IMPACT: variants seen among roughly 807,000 people sequenced by gnomAD.
The protein encoded by IMPACT is protein IMPACT.
IMPACT carries 35 observed loss-of-function variants against 47.5 expected under a neutral mutation model. The ratio of observed to expected loss-of-function variants is 0.74; its 90% CI spans 0.56 to 0.98. IMPACT has a LOEUF of 0.98. Among genes scored for constraint, IMPACT ranks in the 50% least tolerant of loss-of-function variants. The pLI is 0.00. For missense variants in IMPACT, 373 were observed against 394.8 expected (o/e 0.94, Z 0.47); for synonymous variants, 118 against 125.6 (o/e 0.94, Z 0.40).
intron 6 of IMPACT, 118 bp from the exon 7 acceptor site, chr18:24,442,931 T>C: frequency 1.9e-6 from 1 of 528,076 alleles, no homozygotes; most frequent in Non-Finnish European, 3.3e-6. Context: ...GATTAATGGT[T>C]ATTTTAGTTG....
At chr18:24,437,910 G>T in intron 4 of IMPACT, 45 bp from the exon 5 acceptor site, 1 of 902,498 alleles carries the variant, frequency 1.1e-6, no homozygotes, top group Non-Finnish European at 1.8e-6. Context: ...TTGAGAAGAT[G>T]ATTTTTGAAA....
Position 24,450,993 on chromosome 18 carries a change from G to GT in IMPACT, c.*148dup. On this transcript the variant is annotated 3_prime_UTR_variant, in exon 11 of 11. Transcript: ENST00000284202. Reference sequence around the variant, plus strand: ...ATACCAACATTAGCTTTTCTTCTTGGTTATATCATCTGCCAAAAATAGAGA... The same window carrying GT: ...ATACCAACATTAGCTTTTCTTCTTGGTTTATATCATCTGCCAAAAATAGAGA... 1 of 512,834 alleles carries GT rather than the reference G, an allele frequency of 1.9e-6. No individual in the cohort carries two copies. The highest frequency in any genetic ancestry group is 3.5e-6 in the Non-Finnish European group (1 of 284,816). The allele number at this position is 512,834 out of a possible 1,614,324, so 31.8% of individuals were successfully genotyped here.
rs752510391 is a variant in IMPACT, at chr18:24,443,074, G to A, written c.516G>A (p.Pro172=). The change falls in exon 7 of 11, where the codon CCG becomes CCA. Residue 172 remains proline, a synonymous_variant. Coordinates refer to ENST00000284202, the MANE Select transcript of IMPACT (RefSeq NM_018439.4). ...RTEVEVEELP[P]IDHGIPITDR... ...AAGTAGAAGTAGAAGAATTACCTCC[G>A]ATTGATCATGGCATTCCTATTACAG... is the stretch of plus-strand genomic sequence containing the variant. 6 of 1,594,948 alleles carry A rather than the reference G, an allele frequency of 3.8e-6. No homozygotes were observed. Among genetic ancestry groups the A allele is most frequent in the East Asian group, 2.3e-5 (1 of 44,326 alleles).
chr18:24,433,356 C>T (rs9807670), intron 4 of IMPACT, among the ~76,000 whole-genome samples: 8,785 of 148,622 alleles, frequency 0.059, 799 homozygotes, highest in African/African-American at 0.21. Flanking sequence ...CCCGCCACCG[C>T]GCCCGGCTAA....
intron 4 of IMPACT, among the ~76,000 whole-genome samples, chr18:24,433,446 G>A (rs1481824227): frequency 6.7e-6 from 1 of 149,394 alleles, no homozygotes; most frequent in East Asian, 2.0e-4. Context: ...TGATCCACCC[G>A]CCTCGGCCTC....
At chr18:24,428,834 A>C (rs1170792280) in intron 2 of IMPACT, 35 bp from the exon 3 acceptor site, 1 of 1,547,502 alleles carries the variant, frequency 6.5e-7, no homozygotes, top group South Asian at 1.2e-5. Flanking sequence ...AACCTTGATG[A>C]AGTGTAAACA....
intron 4 of IMPACT, among the ~76,000 whole-genome samples, chr18:24,433,157 A>G: frequency 6.7e-6 from 1 of 149,890 alleles, no homozygotes; most frequent in East Asian, 1.9e-4. Context: ...TGTAGTCTAA[A>G]TAGAAATACA....
chr18:24,429,451 A>G (rs1908696071), intron 3 of IMPACT: 1 of 152,422 alleles, frequency 6.6e-6, no homozygotes, highest in South Asian at 2.1e-4. Flanking sequence ...TCACCTAGTA[A>G]TATGTATAAA....
At chr18:24,437,294 T>A (rs533750510) in intron 4 of IMPACT, among the ~76,000 whole-genome samples, 26 of 152,296 alleles carry the variant, frequency 1.7e-4, no homozygotes, top group African/African-American at 6.0e-4. Context: ...AACATAACTA[T>A]GGACATGACT....
chr18:24,439,358 C>T (rs1220675597), intron 5 of IMPACT, among the ~76,000 whole-genome samples: 3 of 152,112 alleles, frequency 2.0e-5, no homozygotes, highest in Admixed American at 6.5e-5. Flanking sequence ...TGGTGAAACC[C>T]CGTCTCTACT....
At chr18:24,445,592 T>G in intron 8 of IMPACT, 126 bp downstream of exon 8, 1 of 499,878 alleles carries the variant, frequency 2.0e-6, no homozygotes, top group South Asian at 5.2e-5. Context: ...CATGGAATAT[T>G]TGGAAACTGC....
chr18:24,426,929 C>T (rs1003258118), intron 1 of IMPACT, 137 bp downstream of exon 1: 2 of 578,316 alleles, frequency 3.5e-6, no homozygotes, highest in Non-Finnish European at 5.1e-6. Context: ...TTTGCTCCAC[C>T]GCGTTCCATT....
Position 24,426,800 on chromosome 18 carries a change from C to T in IMPACT, c.36+8C>T. 2 of 1,238,764 alleles carry T rather than the reference C, an allele frequency of 1.6e-6. No individual in the cohort carries two copies. Among genetic ancestry groups the T allele is most frequent in the East Asian group, 6.3e-5 (2 of 31,692 alleles). 76.7% of individuals were successfully genotyped at this position (1,238,764 alleles called of 1,614,324 possible). A position where few individuals can be genotyped will look rare whatever the true frequency, so the allele number is the denominator to read the frequency against. On this transcript the variant is annotated splice_region_variant and intron_variant, in intron 1 of 10. Coordinates refer to ENST00000284202, the MANE Select transcript of IMPACT (RefSeq NM_018439.4). ...GGGAGCGACCAGAGGCAGGTGAGGC[C>T]CCGGCGGGGTGCTGTCTCTCCAGGC...
intron 7 of IMPACT, 71 bp from the exon 8 acceptor site, chr18:24,445,322 G>C (rs982717361): frequency 5.6e-5 from 51 of 904,770 alleles, no homozygotes; most frequent in Non-Finnish European, 8.6e-5. Flanking sequence ...ATGCTTCAAG[G>C]TATTTTTCTA....
At position 24,428,036 on chromosome 18, in the gene IMPACT, C is replaced by CT. The variant is rs1439458616; in HGVS notation, c.157dup (p.Cys53LeufsTer9). On this transcript the variant is annotated frameshift_variant, in exon 2 of 11. Coordinates refer to ENST00000284202, the MANE Select transcript of IMPACT (RefSeq NM_018439.4). LOFTEE classifies it high-confidence loss of function. ...CGATATAGATGACCCCAAATGGACA[C>CT]TTTGCTTGCAGGTACTTTTTCCCCC... 7.0e-6 allele frequency: 11 copies of CT among 1,573,742 alleles called. No individual in the cohort carries two copies. Among genetic ancestry groups the CT allele is most frequent in the Middle Eastern group, 1.7e-4 (1 of 5,952 alleles).
intron 3 of IMPACT, 29 bp from the exon 4 acceptor site, chr18:24,430,293 A>G: frequency 1.3e-6 from 2 of 1,494,538 alleles, no homozygotes; most frequent in Non-Finnish European, 1.8e-6. Flanking sequence ...TCCTTGAATA[A>G]TCTTCTTAAT....
At chr18:24,449,719 A>G (rs762840764) in intron 9 of IMPACT, 100 bp from the exon 10 acceptor site, 8 of 1,076,710 alleles carry the variant, frequency 7.4e-6, no homozygotes, top group Non-Finnish European at 9.6e-6. Context: ...GGGAAATTTT[A>G]TGTGCAATTT....
rs1295817649 is a variant in IMPACT, at chr18:24,426,797, GGCCCCGGC to G, written c.36+7_36+14del. On this transcript the variant is annotated splice_donor_region_variant and intron_variant, in intron 1 of 10. Transcript: ENST00000284202. ...GCAGGGAGCGACCAGAGGCAGGTGA[GGCCCCGGC>G]GGGGTGCTGTCTCTCCAGGCTCGGC... 9.7e-6 allele frequency: 12 copies of G among 1,239,076 alleles called. No homozygotes were observed. The highest frequency in any genetic ancestry group is 1.2e-5 in the Non-Finnish European group (12 of 988,408). The allele number at this position is 1,239,076 out of a possible 1,614,324, so 76.8% of individuals were successfully genotyped here. A position where few individuals can be genotyped will look rare whatever the true frequency, so the allele number is the denominator to read the frequency against.
rs964781639 is a variant in IMPACT at position 24,438,109 on chromosome 18, G to A, written c.367+69G>A. 1.5e-5 allele frequency: 11 copies of A among 711,764 alleles called. No individual in the cohort carries two copies. The African/African-American group carries it at 1.8e-4, about 12-fold the overall frequency. The allele number at this position is 711,764 out of a possible 1,614,324, so 44.1% of individuals were successfully genotyped here. A position where few individuals can be genotyped will look rare whatever the true frequency, so the allele number is the denominator to read the frequency against. On this transcript the variant is annotated intron_variant, in intron 5 of 10. Coordinates refer to ENST00000284202, the MANE Select transcript of IMPACT (RefSeq NM_018439.4). The stretch of plus-strand genomic sequence containing the variant: ...ACTACATTTTTATGTAGATACTCTA[G>A]TTGAAATTTAATGTGAAAATCTGTA...
Sources: allele counts gnomAD v4.1 joint callset (sites outside exome capture counted in the v4.1 genomes callset), GRCh38; gene constraint gnomAD v4.1.1; transcripts MANE v1.5; gene names NCBI Gene and HGNC (gene_info 2026-07-23, HGNC 2026-07-21).